ANKFY1: variants seen among roughly 807,000 people sequenced by gnomAD.
The protein encoded by ANKFY1 is ankyrin repeat and FYVE domain-containing protein 1.
ANKFY1 carries 47 observed loss-of-function variants against 128.3 expected under a neutral mutation model. The observed-to-expected ratio is 0.37, with a 90% CI of 0.29 to 0.47. The LOEUF (loss-of-function observed/expected upper bound fraction) is 0.47, where lower values mean the gene tolerates loss of function less well. ANKFY1 is among the 20% of genes least tolerant of loss of function. ANKFY1 has a pLI of 1.00. For synonymous variants in ANKFY1, 553 were observed against 601.6 expected (o/e 0.92, Z 1.18); for missense variants, 1,222 against 1,510.6 (o/e 0.81, Z 3.17).
intron 8 of ANKFY1, among the ~76,000 whole-genome samples, chr17:4,195,847 T>C (rs970436568): frequency 1.3e-5 from 2 of 152,046 alleles, no homozygotes; most frequent in African/African-American, 4.8e-5. Flanking sequence ...TAATCTTCTA[T>C]TCTTCTCAAA....
At chr17:4,223,136 G>A in intron 3 of ANKFY1, 4 of 772,886 alleles carry the variant, frequency 5.2e-6, no homozygotes, top group Non-Finnish European at 9.3e-6. Context: ...CAAAGATCAA[G>A]CTTCTGAAAT....
chr17:4,189,519 C>A, intron 10 of ANKFY1, 40 bp from the exon 11 acceptor site: 1 of 1,509,784 alleles, frequency 6.6e-7, no homozygotes, highest in South Asian at 1.2e-5. Flanking sequence ...CTGTTTGCAT[C>A]AAAATGCGGT....
chr17:4,183,982 TA>T, intron 12 of ANKFY1, 72 bp from the exon 13 acceptor site: 1 of 1,349,632 alleles, frequency 7.4e-7, no homozygotes, highest in Non-Finnish European at 1.1e-6. Flanking sequence ...TTCAGTAGAG[TA>T]AGAACTCAAA....
rs116152453 is a variant in ANKFY1, at chr17:4,175,225, C to T, written c.2776-1169G>A. On this transcript the variant is annotated intron_variant, in intron 19 of 24. Coordinates refer to ENST00000341657, the MANE Select transcript of ANKFY1 (RefSeq NM_001330063.2). Reference sequence around the variant, plus strand: ...GTGTGCACCTGTAATCACAGCTACTCGGGAGGATGAGATGGGAGGATTGAT... The same window carrying T: ...GTGTGCACCTGTAATCACAGCTACTTGGGAGGATGAGATGGGAGGATTGAT... Among the ~76,000 whole-genome samples, 791 of 151,312 alleles carry T rather than the reference C, an allele frequency of 5.2e-3. 5 individuals carry two copies. Among genetic ancestry groups the T allele is most frequent in the African/African-American group, 0.019 (769 of 41,298 alleles).
intron 10 of ANKFY1, among the ~76,000 whole-genome samples, chr17:4,189,811 G>T (rs2059684714): frequency 6.6e-6 from 1 of 152,230 alleles, no homozygotes; most frequent in Non-Finnish European, 1.5e-5. Context: ...CAGACAGTAG[G>T]TATCATTTAA....
At position 4,169,822 on chromosome 17, in the gene ANKFY1, T is replaced by G. The variant is rs4790584; in HGVS notation, c.3287-534A>C. Among the ~76,000 whole-genome samples the G allele has an allele frequency of 0.98, 149,762 of 152,260 alleles. 73,701 individuals carry two copies. Among genetic ancestry groups the G allele is most frequent in the East Asian group, 1 (5,168 of 5,168 alleles). Reference sequence around the variant, plus strand: ...GAAAGAACTAAGTTTTCACATCTAGTTTGGGAGTTACTAATGCAGACAGGA... The same window carrying G: ...GAAAGAACTAAGTTTTCACATCTAGGTTGGGAGTTACTAATGCAGACAGGA... On this transcript the variant is annotated intron_variant, in intron 23 of 24. Coordinates refer to ENST00000341657, the MANE Select transcript of ANKFY1 (RefSeq NM_001330063.2). This position sits in a 1 kb window ranked among gnomAD's most constrained non-coding sequence, Gnocchi z 5.0.
chr17:4,187,262 G>A lies in ANKFY1; in HGVS notation c.1470+2120C>T, dbSNP rs139120581. The A allele has an allele frequency of 9.8e-5, 39 of 398,794 alleles. No homozygotes were observed. The East Asian group carries it at 1.3e-3, about 13-fold the overall frequency. 24.7% of individuals were successfully genotyped at this position (398,794 alleles called of 1,614,324 possible). ...GGGAGCCTCAAGCATGCGTGTCACA[G>A]ACTGATTCTGCAATTCCTGTGAAAC... On this transcript the variant is annotated intron_variant, in intron 11 of 24. Coordinates refer to ENST00000341657, the MANE Select transcript of ANKFY1 (RefSeq NM_001330063.2).
At position 4,173,413 on chromosome 17, in the gene ANKFY1, G is replaced by A. The variant is rs1319794115; in HGVS notation, c.2955C>T (p.Leu985=). ...ALHLAVMHGR[L]NNIRVLLTEC... Reference sequence around the variant, plus strand: ...CTGTCAGGAGAACCCGGATGTTGTTGAGCCGGCCGTGCATGACAGCAAGAT... The same window carrying A: ...CTGTCAGGAGAACCCGGATGTTGTTAAGCCGGCCGTGCATGACAGCAAGAT... Residue 985 remains leucine (L), a synonymous_variant, in exon 21 of 25, where the codon CTC becomes CTT. Transcript: ENST00000341657. 2.5e-6 allele frequency: 4 copies of A among 1,614,094 alleles called. No individual in the cohort carries two copies. Among genetic ancestry groups the A allele is most frequent in the Non-Finnish European group, 3.4e-6 (4 of 1,180,030 alleles).
At position 4,165,606 on chromosome 17, in the gene ANKFY1, C is replaced by T. The variant is rs1326388709; in HGVS notation, c.*2173G>A. On this transcript the variant is annotated 3_prime_UTR_variant, in exon 25 of 25. Transcript: ENST00000341657. ...TTTTCCTATATCCACATGGATGCGC[C>T]CTGAAGCCAATGGAAAACAGGACTC... The T allele has an allele frequency of 6.6e-6, 1 of 152,150 alleles. No homozygotes were observed. The highest frequency in any genetic ancestry group is 6.5e-5 in the Admixed American group (1 of 15,276). 9.4% of individuals were successfully genotyped at this position (152,150 alleles called of 1,614,324 possible).
chr17:4,241,872 G>A (rs1049880264), intron 2 of ANKFY1, among the ~76,000 whole-genome samples: 10 of 151,652 alleles, frequency 6.6e-5, no homozygotes, highest in Admixed American at 3.3e-4. Flanking sequence ...GGCGGACCAT[G>A]AGGTCAGGAG....
chr17:4,179,392 G>A, intron 17 of ANKFY1: 1 of 516,124 alleles, frequency 1.9e-6, no homozygotes, highest in Non-Finnish European at 3.5e-6. Context: ...GCATCAAAGG[G>A]CGTAACTCAG....
intron 1 of ANKFY1, among the ~76,000 whole-genome samples, chr17:4,248,035 G>T (rs1598146502): frequency 2.0e-5 from 3 of 152,184 alleles, no homozygotes; most frequent in African/African-American, 7.2e-5. Context: ...CACTGACTGG[G>T]TTTGACCCCA....
In ANKFY1 at chr17:4,170,777, T is replaced by A; in HGVS notation, c.3224A>T (p.Asn1075Ile). The stretch of plus-strand genomic sequence containing the variant: ...GTAGTTGAAGATGTTGACTCCCTGG[T>A]TGTTATTCACCCCGAGGCGAGCCCC... The part of the protein sequence containing the change: ...RSGARLGVNN[N>I]QGVNIFNYQV... Residue 1075 changes from asparagine (N) to isoleucine (I), a missense_variant, in exon 23 of 25, where the codon AAC becomes ATC. By Grantham distance (149) the Asn-to-Ile change is moderately radical. Coordinates refer to ENST00000341657, the MANE Select transcript of ANKFY1 (RefSeq NM_001330063.2). The A allele has an allele frequency of 6.2e-7, 1 of 1,614,176 alleles. No individual in the cohort carries two copies. The highest frequency in any genetic ancestry group is 8.5e-7 in the Non-Finnish European group (1 of 1,180,024).
intron 8 of ANKFY1, 84 bp from the exon 9 acceptor site, chr17:4,195,555 C>G: frequency 1.0e-6 from 1 of 996,526 alleles, no homozygotes; most frequent in Non-Finnish European, 1.6e-6. Context: ...GAATCCCAGG[C>G]AGAATCACCA....
intron 2 of ANKFY1, among the ~76,000 whole-genome samples, chr17:4,237,582 T>C (rs923084248): frequency 2.6e-5 from 4 of 152,190 alleles, no homozygotes; most frequent in Non-Finnish European, 5.9e-5. Flanking sequence ...CGAGTATAAC[T>C]TTTAGCCACA....
chr17:4,211,117 A>G (rs2060122847), intron 4 of ANKFY1, among the ~76,000 whole-genome samples: 1 of 152,188 alleles, frequency 6.6e-6, no homozygotes, highest in African/African-American at 2.4e-5. Flanking sequence ...AAAAACAGCC[A>G]AATCAGCCAG....
Position 4,167,810 on chromosome 17 carries a change from A to T in ANKFY1, c.3479T>A (p.Phe1160Tyr). Residue 1160 changes from phenylalanine to tyrosine, a missense_variant, in exon 25 of 25, where the codon TTT (phenylalanine) becomes TAT (tyrosine). Coordinates refer to ENST00000341657, the MANE Select transcript of ANKFY1 (RefSeq NM_001330063.2). The surrounding 1 kb of genome is among the most constrained non-coding windows in gnomAD (Gnocchi z 4.1). ...AACCCCACCCAGAGTCAGTACATCA[A>T]AACAAATGTTGCAAACCCGCACAGG... ...NKPVRVCNIC[F>Y]DVLTLGGVS The T allele has an allele frequency of 6.2e-7, 1 of 1,613,954 alleles. No individual in the cohort carries two copies. Among genetic ancestry groups the T allele is most frequent in the Non-Finnish European group, 8.5e-7 (1 of 1,179,918 alleles).
chr17:4,197,681 C>A (rs532138140), intron 7 of ANKFY1, 104 bp from the exon 8 acceptor site: 3 of 1,047,996 alleles, frequency 2.9e-6, no homozygotes, highest in East Asian at 2.6e-5. Context: ...AGAGCGATAA[C>A]TAGATGTGTC....
Position 4,173,899 on chromosome 17 carries a change from TG to T in ANKFY1, c.2923+9del. On this transcript the variant is annotated intron_variant, in intron 20 of 24. Transcript: ENST00000341657. ...ATCGTTCAAGCCACTAAAGAATGAC[TG>T]GGAGTTACCATTGTTTCCATTCTCA... The T allele has an allele frequency of 1.2e-6, 2 of 1,611,028 alleles. No homozygotes were observed. Among genetic ancestry groups the T allele is most frequent in the Non-Finnish European group, 1.7e-6 (2 of 1,177,658 alleles).
Sources: allele counts gnomAD v4.1 joint callset (sites outside exome capture counted in the v4.1 genomes callset), GRCh38; gene constraint gnomAD v4.1.1; non-coding constraint Gnocchi (gnomAD v3.1); transcripts MANE v1.5; gene names NCBI Gene and HGNC (gene_info 2026-07-23, HGNC 2026-07-21).